RIC1: variants seen among roughly 807,000 people sequenced by gnomAD.
The protein encoded by RIC1 is guanine nucleotide exchange factor subunit RIC1.
In RIC1, 88 loss-of-function variants were observed where a neutral mutation model predicts 169.0. The ratio of observed to expected loss-of-function variants is 0.52; its 90% CI spans 0.44 to 0.62. The LOEUF (loss-of-function observed/expected upper bound fraction) is 0.62. Ranked by LOEUF, RIC1 falls within the 20% of genes least tolerant of loss-of-function variation. The pLI is 0.00. For missense variants in RIC1, 1,877 were observed against 1,725.5 expected (o/e 1.09, Z -1.56); for synonymous variants, 790 against 601.5 (o/e 1.31, Z -4.59).
Position 5,762,639 on chromosome 9 carries a change from C to A in RIC1, c.2091C>A (p.Asn697Lys). The A allele has an allele frequency of 8.1e-6, 13 of 1,613,764 alleles. No individual in the cohort carries two copies. Among genetic ancestry groups the A allele is most frequent in the Non-Finnish European group, 1.1e-5 (13 of 1,179,872 alleles). The change falls in exon 18 of 26, where the codon AAC (asparagine) becomes AAA (lysine). Residue 697 changes from asparagine to lysine, a missense_variant. By Grantham distance (94) the Asn-to-Lys change is moderately conservative. This residue lies in a region of RIC1 where 1,104 missense variants were observed against 992.0 expected (regional missense o/e 1.11). Transcript: ENST00000414202. ...CACAGATCCGGGAGAAGGACAGTAA[C>A]CCTAATAACCAAAGGAAACTTGTGA... ...SGPQIREKDSNPNNQRKLLPF... is the reference protein window; with the variant it reads ...SGPQIREKDSKPNNQRKLLPF...
At position 5,762,643 on chromosome 9, in the gene RIC1, A is replaced by C. The variant is rs1211072348; in HGVS notation, c.2095A>C (p.Asn699His). Residue 699 changes from asparagine to histidine, a missense_variant, in exon 18 of 26, where the codon AAT (asparagine) becomes CAT (histidine). Asn to His is a moderately conservative substitution (Grantham distance 68). Transcript: ENST00000414202. The stretch of plus-strand genomic sequence containing the variant: ...GATCCGGGAGAAGGACAGTAACCCT[A>C]ATAACCAAAGGAAACTTGTGAGTAA... The part of the protein sequence containing the change: ...PQIREKDSNP[N>H]NQRKLLPFCP... 3.1e-6 allele frequency: 5 copies of C among 1,613,706 alleles called. No individual in the cohort carries two copies. Among genetic ancestry groups the C allele is most frequent in the Non-Finnish European group, 4.2e-6 (5 of 1,179,850 alleles).
In RIC1 at chr9:5,663,801, A is replaced by G. The variant is rs143745735; in HGVS notation, c.252+7111A>G. On this transcript the variant is annotated intron_variant, in intron 2 of 25. Transcript: ENST00000414202. ...GTCTTTTAATTGGAGCATTTAGCCCATTTACATTTAAGGTTAGTATTGTTA... is the reference window on the plus strand; with the variant it reads ...GTCTTTTAATTGGAGCATTTAGCCCGTTTACATTTAAGGTTAGTATTGTTA... Among the ~76,000 whole-genome samples the G allele has an allele frequency of 1.7e-3, 253 of 152,246 alleles. 1 individual carries two copies. The highest frequency in any genetic ancestry group is 5.9e-3 in the African/African-American group (246 of 41,548).
chr9:5,731,358 T>C (rs1205499928), intron 6 of RIC1, among the ~76,000 whole-genome samples: 2 of 152,174 alleles, frequency 1.3e-5, no homozygotes, highest in Admixed American at 1.3e-4. Flanking sequence ...AGTTTTATTA[T>C]TAAAATTAAA....
At chr9:5,659,255 A>T (rs1819298821) in intron 2 of RIC1, among the ~76,000 whole-genome samples, 1 of 152,064 alleles carries the variant, frequency 6.6e-6, no homozygotes. Flanking sequence ...TCATTGTTAT[A>T]TATGTCTGTC....
At chr9:5,737,379 TC>T (rs35645234) in intron 7 of RIC1, among the ~76,000 whole-genome samples, 1 of 152,266 alleles carries the variant, frequency 6.6e-6, no homozygotes, top group Non-Finnish European at 1.5e-5. Context: ...TAAATTACCA[TC>T]CAACATAAGA....
At chr9:5,740,753 C>A (rs1345103247) in intron 8 of RIC1, among the ~76,000 whole-genome samples, 1 of 151,952 alleles carries the variant, frequency 6.6e-6, no homozygotes, top group African/African-American at 2.4e-5. Context: ...TCTGCCTTTC[C>A]CAGCCCACTG....
intron 19 of RIC1, among the ~76,000 whole-genome samples, chr9:5,764,268 C>T (rs1826533812): frequency 6.6e-6 from 1 of 152,134 alleles, no homozygotes; most frequent in African/African-American, 2.4e-5. Context: ...CTTCTCACAA[C>T]AGTAGATTTG....
intron 1 of RIC1, among the ~76,000 whole-genome samples, chr9:5,653,326 A>G (rs943611456): frequency 6.6e-6 from 1 of 152,100 alleles, no homozygotes; most frequent in African/African-American, 2.4e-5. Flanking sequence ...TTTCTTGACT[A>G]CTTTAGCTTT....
In RIC1 at chr9:5,753,095, C is replaced by G. The variant is rs1243368485; in HGVS notation, c.1453-105C>G. 8.8e-6 allele frequency: 9 copies of G among 1,022,586 alleles called. 1 individual carries two copies. The highest frequency in any genetic ancestry group is 1.1e-5 in the Non-Finnish European group (7 of 651,676). 63.3% of individuals were successfully genotyped at this position (1,022,586 alleles called of 1,614,324 possible). On this transcript the variant is annotated intron_variant, in intron 12 of 25. Transcript: ENST00000414202. ...TGCTCTGCTACTAACTAGGGGGCAC[C>G]TTAAACATTGTTCGGCAAGATGAAT...
intron 23 of RIC1, 141 bp downstream of exon 23, chr9:5,770,419 T>G: frequency 1.3e-6 from 1 of 762,026 alleles, no homozygotes; most frequent in African/African-American, 1.8e-5. Context: ...GTAGAAAGTT[T>G]GTAGAACAAG....
chr9:5,631,199 C>G (rs186282766), intron 1 of RIC1, among the ~76,000 whole-genome samples: 14 of 152,232 alleles, frequency 9.2e-5, no homozygotes, highest in Admixed American at 8.5e-4. Context: ...TCTAGAAATC[C>G]AAGGCAGTTC....
chr9:5,656,535 TGA>T, intron 1 of RIC1, 46 bp from the exon 2 acceptor site: 1 of 820,500 alleles, frequency 1.2e-6, no homozygotes, highest in Non-Finnish European at 1.9e-6. Flanking sequence ...TGTATTTTTA[TGA>T]GATATTGATA....
chr9:5,633,694 C>G (rs967105394), intron 1 of RIC1, among the ~76,000 whole-genome samples: 1 of 152,152 alleles, frequency 6.6e-6, no homozygotes, highest in Non-Finnish European at 1.5e-5. Flanking sequence ...AACAGATCCA[C>G]CATCTCACAC....
intron 4 of RIC1, among the ~76,000 whole-genome samples, chr9:5,714,488 A>G (rs1823118774): frequency 6.6e-6 from 1 of 152,220 alleles, no homozygotes; most frequent in East Asian, 1.9e-4. Context: ...CCATTGGTAG[A>G]AAAAATCTTA....
At position 5,704,431 on chromosome 9, in the gene RIC1, C is replaced by T. The variant is rs114679603; in HGVS notation, c.333-9465C>T. Among the ~76,000 whole-genome samples, 530 of 152,098 alleles carry T rather than the reference C, an allele frequency of 3.5e-3. 3 individuals are homozygous for T. Among genetic ancestry groups the T allele is most frequent in the African/African-American group, 0.012 (516 of 41,498 alleles). ...CTCACTACATTGTTCAAGCTAGTCT[C>T]AAACTCCTGGGCTCAAGCAATCCTC... On this transcript the variant is annotated intron_variant, in intron 3 of 25. Coordinates refer to ENST00000414202, the MANE Select transcript of RIC1 (RefSeq NM_020829.4).
chr9:5,746,397 G>T (rs1406663647), intron 11 of RIC1, among the ~76,000 whole-genome samples: 1 of 151,892 alleles, frequency 6.6e-6, no homozygotes, highest in African/African-American at 2.4e-5. Context: ...GTTCCTCCAG[G>T]CACTACTTAT....
At chr9:5,765,639 C>T in intron 20 of RIC1, 23 bp from the exon 21 acceptor site, 2 of 1,614,080 alleles carry the variant, frequency 1.2e-6, no homozygotes, top group Non-Finnish European at 8.5e-7. Context: ...TCTAATGGTA[C>T]TGCATATGGT....
rs531818688 is a variant in RIC1, at chr9:5,629,157, G to A, written c.-153G>A. On this transcript the variant is annotated 5_prime_UTR_variant, in exon 1 of 26. Coordinates refer to ENST00000414202, the MANE Select transcript of RIC1 (RefSeq NM_020829.4). ...TGCCTTCGTCGCGCAGCCTTGCGTC[G>A]GCCCGGCCCGGCCAGGCCAGCGGGC... 1.7e-4 allele frequency: 116 copies of A among 667,352 alleles called. No individual in the cohort carries two copies. Among genetic ancestry groups the A allele is most frequent in the African/African-American group, 1.3e-3 (68 of 52,522 alleles). The allele number at this position is 667,352 out of a possible 1,614,324, so 41.3% of individuals were successfully genotyped here.
chr9:5,726,869 T>C (rs1824026686), intron 6 of RIC1, among the ~76,000 whole-genome samples: 1 of 152,260 alleles, frequency 6.6e-6, no homozygotes, highest in Non-Finnish European at 1.5e-5. Context: ...TATAAGAATG[T>C]TGAATATTGG....
Sources: allele counts gnomAD v4.1 joint callset (sites outside exome capture counted in the v4.1 genomes callset), GRCh38; gene constraint gnomAD v4.1.1; regional missense constraint gnomAD v4.1.1; transcripts MANE v1.5; gene names NCBI Gene and HGNC (gene_info 2026-07-23, HGNC 2026-07-21).